RNF114: variants seen among roughly 807,000 people sequenced by gnomAD.
RNF114 encodes ring finger protein 114, also known as E3 ubiquitin-protein ligase RNF114.
RNF114 carries 6 observed loss-of-function variants against 28.4 expected under a neutral mutation model. That is an observed-to-expected ratio of 0.21 (90% CI 0.12 to 0.42). The LOEUF (loss-of-function observed/expected upper bound fraction) is 0.42. Among genes scored for constraint, RNF114 ranks in the 10% least tolerant of loss-of-function variants. The pLI is 1.00. For synonymous variants in RNF114, 115 were observed against 116.7 expected (o/e 0.99, Z 0.09); for missense variants, 249 against 311.7 (o/e 0.80, Z 1.51).
chr20:49,949,137 G>A lies in RNF114; in HGVS notation c.514-111G>A, dbSNP rs542585632. 32 of 822,154 alleles carry A rather than the reference G, an allele frequency of 3.9e-5. No homozygotes were observed. The South Asian group carries it at 4.0e-4, about 10-fold the overall frequency. 50.9% of individuals were successfully genotyped at this position (822,154 alleles called of 1,614,324 possible). ...GCACAGGAAGGAGTTACTGGCCCTGGACAGTATGTCAGGAAAGCTGTCCTG... is the reference window on the plus strand; with the variant it reads ...GCACAGGAAGGAGTTACTGGCCCTGAACAGTATGTCAGGAAAGCTGTCCTG... On this transcript the variant is annotated intron_variant, in intron 4 of 5. Transcript: ENST00000244061.
At chr20:49,944,309 A>G (rs1411755804) in intron 2 of RNF114, 1 of 151,816 alleles carries the variant, frequency 6.6e-6, no homozygotes, top group Admixed American at 6.6e-5. Context: ...GCGTGAAGTG[A>G]TGGCCCACCT....
At chr20:49,946,011 TC>T in intron 3 of RNF114, 124 bp from the exon 4 acceptor site, 1 of 562,068 alleles carries the variant, frequency 1.8e-6, no homozygotes, top group South Asian at 2.4e-5. Context: ...TCTGAAGTGA[TC>T]ATCAGCATCC....
intron 1 of RNF114, among the ~76,000 whole-genome samples, chr20:49,937,323 A>G (rs146302935): frequency 6.6e-6 from 1 of 152,314 alleles, no homozygotes; most frequent in Non-Finnish European, 1.5e-5. Flanking sequence ...AGTTGAAAGA[A>G]TTGTAGACAA....
At chr20:49,938,068 A>G (rs906047502) in intron 1 of RNF114, among the ~76,000 whole-genome samples, 7 of 152,196 alleles carry the variant, frequency 4.6e-5, no homozygotes, top group African/African-American at 9.7e-5. Context: ...GAATGAACTA[A>G]TAAGTCGTGT....
At position 49,945,464 on chromosome 20, in the gene RNF114, T is replaced by G; in HGVS notation, c.374T>G (p.Ile125Ser). ...ATCATGGAAGGTGTGAAGGCCACCATTAAGGATGCATCTCTTCAGCCAAGG... is the reference window on the plus strand; with the variant it reads ...ATCATGGAAGGTGTGAAGGCCACCAGTAAGGATGCATCTCTTCAGCCAAGG... ...NYIMEGVKAT[I>S]KDASLQPRNV... is the part of the protein sequence containing the mutation. Residue 125 changes from isoleucine (I) to serine (S), a missense_variant, in exon 3 of 6, where the codon ATT becomes AGT. Transcript: ENST00000244061. 1 of 1,609,872 alleles carries G rather than the reference T, an allele frequency of 6.2e-7. No homozygotes were observed. Among genetic ancestry groups the G allele is most frequent in the Non-Finnish European group, 8.5e-7 (1 of 1,176,166 alleles).
intron 2 of RNF114, chr20:49,945,041 G>A (rs1215737215): frequency 5.2e-6 from 1 of 192,288 alleles, no homozygotes; most frequent in African/African-American, 2.4e-5. Flanking sequence ...TTGCTGTAAG[G>A]AGACTAGTTT....
In RNF114 at chr20:49,945,503, C is replaced by T. The variant is rs779370692; in HGVS notation, c.398+15C>T. 1 of 1,496,500 alleles carries T rather than the reference C, an allele frequency of 6.7e-7. No homozygotes were observed. Among genetic ancestry groups the T allele is most frequent in the Non-Finnish European group, 9.3e-7 (1 of 1,073,046 alleles). The allele number at this position is 1,496,500 out of a possible 1,614,324, so 92.7% of individuals were successfully genotyped here. ...CTTCAGCCAAGGTAAATGACTCAGT[C>T]TCCCCTTAGGTGGAGGTCATCTCTT... On this transcript the variant is annotated intron_variant, in intron 3 of 5. Transcript: ENST00000244061.
At chr20:49,941,189 A>G (rs909675780) in intron 1 of RNF114, 2 of 170,752 alleles carry the variant, frequency 1.2e-5, no homozygotes, top group Non-Finnish European at 2.5e-5. Flanking sequence ...GGGGTCTGCT[A>G]TACAAACTGT....
chr20:49,942,858 CA>C (rs2090313120), intron 2 of RNF114, among the ~76,000 whole-genome samples: 1 of 152,160 alleles, frequency 6.6e-6, no homozygotes, highest in Non-Finnish European at 1.5e-5. Context: ...TCGAAAGCTG[CA>C]TAACATTTTC....
intron 1 of RNF114, among the ~76,000 whole-genome samples, 179 bp downstream of exon 1, chr20:49,936,731 G>A (rs533615185): frequency 6.6e-6 from 1 of 152,186 alleles, no homozygotes; most frequent in African/African-American, 2.4e-5. Flanking sequence ...GTCCCGCCCC[G>A]CTCACTCCTA....
chr20:49,938,325 C>G (rs1347116591), intron 1 of RNF114, among the ~76,000 whole-genome samples: 1 of 152,214 alleles, frequency 6.6e-6, no homozygotes, highest in Admixed American at 6.5e-5. Context: ...CTTGGCTCTT[C>G]TCTATCCTCG....
intron 2 of RNF114, 26 bp from the exon 3 acceptor site, chr20:49,945,356 A>G (rs4810993): frequency 0.9 from 1,337,494 of 1,493,240 alleles, 599,502 homozygotes; most frequent in African/African-American, 0.95. Context: ...TCACTAACTT[A>G]TGGGCTCTGA....
rs34310744 is a variant in RNF114, at chr20:49,946,260, C to CTT, written c.513+24_513+25dup. On this transcript the variant is annotated intron_variant, in intron 4 of 5. Transcript: ENST00000244061. The stretch of plus-strand genomic sequence containing the variant: ...GGATACCAAATCTGTGGTGAGTAAC[C>CTT]TTTTTTTTTTTTTTTAAACTTCATT... 0.012 allele frequency: 13,192 copies of CTT among 1,074,262 alleles called. No individual in the cohort carries two copies. Among genetic ancestry groups the CTT allele is most frequent in the South Asian group, 0.02 (1,281 of 63,330 alleles). 66.5% of individuals were successfully genotyped at this position (1,074,262 alleles called of 1,614,324 possible).
chr20:49,948,199 C>T (rs2146859106), intron 4 of RNF114, among the ~76,000 whole-genome samples: 1 of 152,272 alleles, frequency 6.6e-6, no homozygotes, highest in Admixed American at 6.5e-5. Context: ...TGCCTGCCCA[C>T]CTTTTCCACT....
chr20:49,951,987 C>G, intron 5 of RNF114, 89 bp from the exon 6 acceptor site: 1 of 1,099,306 alleles, frequency 9.1e-7, no homozygotes, highest in South Asian at 1.3e-5. Context: ...TGCTCCGGAT[C>G]CAGTTGCTAG....
At chr20:49,945,600 C>G (rs371706127) in intron 3 of RNF114, 112 bp downstream of exon 3, 2 of 655,784 alleles carry the variant, frequency 3.0e-6, no homozygotes, top group Non-Finnish European at 5.5e-6. Flanking sequence ...AAAGCTGATA[C>G]AAGTATTTTG....
intron 4 of RNF114, among the ~76,000 whole-genome samples, chr20:49,947,584 T>G (rs1226510313): frequency 1.3e-5 from 2 of 152,048 alleles, no homozygotes; most frequent in Non-Finnish European, 2.9e-5. Flanking sequence ...ATTGACTTGG[T>G]TAAATGTTAC....
chr20:49,953,234 A>G lies in RNF114; in HGVS notation c.*1093A>G, dbSNP rs2090362634. ...CACCCCTGGTCTGTTCTGACGAGAC[A>G]TCGTTCATAAGGCACAGCACATCGC... On this transcript the variant is annotated 3_prime_UTR_variant, in exon 6 of 6. Transcript: ENST00000244061. The G allele has an allele frequency of 6.6e-6, 1 of 152,218 alleles. No individual in the cohort carries two copies. Among genetic ancestry groups the G allele is most frequent in the Non-Finnish European group, 1.5e-5 (1 of 68,044 alleles). 9.4% of individuals were successfully genotyped at this position (152,218 alleles called of 1,614,324 possible).
In RNF114 at chr20:49,936,495, C is replaced by G; in HGVS notation, c.83C>G (p.Thr28Arg). Reference protein sequence around the residue: ...AAEADPLGRFTCPVCLEVYEK... With the variant: ...AAEADPLGRFRCPVCLEVYEK... ...GAGGCTGACCCCCTAGGACGCTTCACGTGTCCCGTGTGCTTAGAGGTGTAC... is the reference window on the plus strand; with the variant it reads ...GAGGCTGACCCCCTAGGACGCTTCAGGTGTCCCGTGTGCTTAGAGGTGTAC... Residue 28 changes from threonine to arginine, a missense_variant, in exon 1 of 6, where the codon ACG becomes AGG. Physicochemically the swap from Thr to Arg is moderately conservative, Grantham distance 71 (BLOSUM62 -1). This residue lies in a region of RNF114 where 123 missense variants were observed against 106.4 expected (regional missense o/e 1.16). Coordinates refer to ENST00000244061, the MANE Select transcript of RNF114 (RefSeq NM_018683.4). The G allele has an allele frequency of 1.3e-6, 2 of 1,571,952 alleles. No homozygotes were observed. Among genetic ancestry groups the G allele is most frequent in the South Asian group, 1.2e-5 (1 of 86,052 alleles).
Sources: gnomAD v4.1 joint callset for allele counts (sites outside exome capture counted in the v4.1 genomes callset) on GRCh38, gnomAD v4.1.1 for gene constraint, gnomAD v4.1.1 regional missense constraint, MANE v1.5 for transcripts, NCBI Gene and HGNC (gene_info 2026-07-23, HGNC 2026-07-21) for gene names.